Variants in DNAI7 observed in about 807,000 individuals in gnomAD.
DNAI7 encodes dynein axonemal intermediate chain 7.
DNAI7 carries 78 observed loss-of-function variants against 86.6 expected under a neutral mutation model. That is an observed-to-expected ratio of 0.90 (90% CI 0.75 to 1.09). DNAI7 has a LOEUF of 1.09. Ranked by LOEUF, DNAI7 falls within the 50% of genes least tolerant of loss-of-function variation. The probability of loss-of-function intolerance (pLI) is 0.00; values close to 1 mark genes in which losing one functional copy is unlikely to be tolerated. For missense variants in DNAI7, 753 were observed against 810.2 expected (o/e 0.93, Z 0.86); for synonymous variants, 274 against 273.0 (o/e 1.00, Z -0.04).
intron 9 of DNAI7, among the ~76,000 whole-genome samples, chr12:25,137,645 G>C (rs1943699376): frequency 6.6e-6 from 1 of 152,100 alleles, no homozygotes; most frequent in African/African-American, 2.4e-5. Flanking sequence ...TTGTCTCCAA[G>C]AGACTCATCT....
At chr12:25,188,716 G>T (rs2141366859) in intron 2 of DNAI7, among the ~76,000 whole-genome samples, 1 of 151,516 alleles carries the variant, frequency 6.6e-6, no homozygotes, top group Middle Eastern at 3.4e-3. Context: ...TTCTTCTCTG[G>T]GTTTGGTTTC....
intron 12 of DNAI7, among the ~76,000 whole-genome samples, chr12:25,116,430 TAC>T (rs1389558817): frequency 3.3e-5 from 5 of 152,338 alleles, no homozygotes; most frequent in African/African-American, 1.2e-4. Context: ...GCTTTCTAAT[TAC>T]TGAAGTTGTA....
At chr12:25,174,542 TATATATATG>T (rs1198413581) in intron 2 of DNAI7, among the ~76,000 whole-genome samples, 1 of 75,932 alleles carries the variant, frequency 1.3e-5, no homozygotes, top group Non-Finnish European at 2.5e-5. Context: ...ATATATGGGA[TATATATATG>T]ATATATATAT....
At chr12:25,194,004 T>G (rs892834854) in intron 1 of DNAI7, among the ~76,000 whole-genome samples, 14 of 152,118 alleles carry the variant, frequency 9.2e-5, no homozygotes, top group South Asian at 2.1e-4. Context: ...GTATTTTTAG[T>G]AGAGACTGGG....
chr12:25,169,009 G>A (rs1010017822), intron 2 of DNAI7, among the ~76,000 whole-genome samples: 32 of 151,900 alleles, frequency 2.1e-4, no homozygotes, highest in Admixed American at 1.5e-3. Flanking sequence ...GAGAAACATC[G>A]CCCATTATCT....
intron 2 of DNAI7, among the ~76,000 whole-genome samples, chr12:25,161,612 T>A (rs1946845358): frequency 6.6e-6 from 1 of 152,230 alleles, no homozygotes. Context: ...AGAGAGTTAT[T>A]TTGCAAGCTT....
intron 9 of DNAI7, among the ~76,000 whole-genome samples, chr12:25,127,008 C>T (rs1377627314): frequency 6.6e-6 from 1 of 152,122 alleles, no homozygotes; most frequent in Non-Finnish European, 1.5e-5. Context: ...TTCTATAGTA[C>T]CACATCATAA....
chr12:25,164,045 G>A (rs1947141931), intron 2 of DNAI7, among the ~76,000 whole-genome samples: 1 of 152,206 alleles, frequency 6.6e-6, no homozygotes, highest in Non-Finnish European at 1.5e-5. Flanking sequence ...GACCATGCAA[G>A]GACGCCTGCC....
intron 2 of DNAI7, among the ~76,000 whole-genome samples, chr12:25,165,369 G>A (rs976481821): frequency 6.6e-6 from 1 of 152,174 alleles, no homozygotes; most frequent in African/African-American, 2.4e-5. Flanking sequence ...CCAAACGCCT[G>A]AACTGCAGCT....
intron 3 of DNAI7, among the ~76,000 whole-genome samples, chr12:25,160,382 G>A (rs548089148): frequency 1.6e-3 from 244 of 152,142 alleles, no homozygotes; most frequent in Admixed American, 4.7e-3. Flanking sequence ...TAACTTCTTC[G>A]TAAAGCAACC....
intron 9 of DNAI7, among the ~76,000 whole-genome samples, chr12:25,130,400 G>A (rs954763351): frequency 6.6e-6 from 1 of 152,008 alleles, no homozygotes; most frequent in South Asian, 2.1e-4. Flanking sequence ...AGCCGGGCGC[G>A]GGGGCGGGTG....
chr12:25,131,155 T>C (rs1243314212), intron 9 of DNAI7, among the ~76,000 whole-genome samples: 2 of 38,562 alleles, frequency 5.2e-5, no homozygotes, highest in East Asian at 1.1e-3. Flanking sequence ...GTAAGCAGTT[T>C]ACCCCCAACC....
At chr12:25,122,019 C>T (rs1036247434) in intron 10 of DNAI7, 106 bp from the exon 11 acceptor site, 25 of 771,066 alleles carry the variant, frequency 3.2e-5, no homozygotes, top group Non-Finnish European at 5.1e-5. Context: ...TCTATTCAAC[C>T]AGCTACTAAA....
At chr12:25,141,511 T>C (rs1290484317) in intron 9 of DNAI7, among the ~76,000 whole-genome samples, 1 of 152,134 alleles carries the variant, frequency 6.6e-6, no homozygotes, top group Admixed American at 6.5e-5. Flanking sequence ...AAAACCACAA[T>C]GTGATACTAC....
chr12:25,159,567 G>A (rs1254625270), intron 3 of DNAI7, among the ~76,000 whole-genome samples: 5 of 152,016 alleles, frequency 3.3e-5, no homozygotes, highest in African/African-American at 1.2e-4. Context: ...AACCAATAAG[G>A]TATGGCAGAC....
chr12:25,144,204 G>C (rs1487619225), intron 9 of DNAI7, among the ~76,000 whole-genome samples, 161 bp downstream of exon 9: 1 of 152,128 alleles, frequency 6.6e-6, no homozygotes, highest in Non-Finnish European at 1.5e-5. Context: ...ACTATTAATG[G>C]AAGGCAAGAA....
At chr12:25,194,871 G>T in intron 1 of DNAI7, 1 of 1,613,356 alleles carries the variant, frequency 6.2e-7, no homozygotes, top group South Asian at 1.1e-5. Context: ...GCAGAAACTG[G>T]TTTGGGACTC....
intron 9 of DNAI7, among the ~76,000 whole-genome samples, chr12:25,139,231 A>T (rs1302780047): frequency 2.0e-5 from 3 of 148,460 alleles, no homozygotes; most frequent in African/African-American, 2.6e-5. Context: ...AATTACCAAT[A>T]AAAAAAAAGT....
chr12:25,167,040 G>GTA (rs1947561370), intron 2 of DNAI7, among the ~76,000 whole-genome samples: 1 of 152,020 alleles, frequency 6.6e-6, no homozygotes, highest in Admixed American at 6.6e-5. Context: ...CCCCATGACT[G>GTA]TATCTCTCTG....
Sources: allele counts gnomAD v4.1 joint callset (sites outside exome capture counted in the v4.1 genomes callset), GRCh38; gene constraint gnomAD v4.1.1; transcripts MANE v1.5; gene names NCBI Gene and HGNC (gene_info 2026-07-23, HGNC 2026-07-21).